Variants in CCR4 observed in about 807,000 individuals in gnomAD.
The protein encoded by CCR4 is C-C motif chemokine receptor 4.
A neutral mutation model predicts 17.1 loss-of-function variants in CCR4; 9 were observed. That is an observed-to-expected ratio of 0.53 (90% CI 0.32 to 0.92). The LOEUF (loss-of-function observed/expected upper bound fraction) is 0.92, where lower values mean the gene tolerates loss of function less well. Ranked by LOEUF, CCR4 falls within the 40% of genes least tolerant of loss-of-function variation. The probability of loss-of-function intolerance (pLI) is 0.04; values close to 1 mark genes in which losing one functional copy is unlikely to be tolerated. For missense variants in CCR4, 385 were observed against 433.9 expected, an observed-to-expected ratio of 0.89 and a Z score of 1.00; for synonymous variants, 217 against 174.3, an observed-to-expected ratio of 1.24 and a Z score of -1.93.
chr3:32,952,887 C>G (rs1163307661), intron 1 of CCR4, among the ~76,000 whole-genome samples: 1 of 152,088 alleles, frequency 6.6e-6, no homozygotes, highest in Non-Finnish European at 1.5e-5. Flanking sequence ...TTTCTAGATC[C>G]ATCAGGTGAA....
Position 32,954,421 on chromosome 3 carries a change from G to T in CCR4, c.999G>T (p.Gly333=). 1 of 1,601,696 alleles carries T rather than the reference G, an allele frequency of 6.2e-7. No individual in the cohort carries two copies. The highest frequency in any genetic ancestry group is 8.5e-7 in the Non-Finnish European group (1 of 1,175,602). ...RGLFVLCQYC[G]LLQIYSADTP... ...TTTTTGTGCTCTGCCAATACTGTGG[G>T]CTCCTCCAAATTTACTCTGCTGACA... Residue 333 remains glycine (G), a synonymous_variant, in exon 2 of 2, where the codon GGG becomes GGT. Coordinates refer to ENST00000330953, the MANE Select transcript of CCR4 (RefSeq NM_005508.5).
chr3:32,953,831 C>T lies in CCR4; in HGVS notation c.409C>T (p.Leu137=). The change falls in exon 2 of 2, where the codon CTG becomes TTG. Residue 137 remains leucine, a synonymous_variant. Coordinates refer to ENST00000330953, the MANE Select transcript of CCR4 (RefSeq NM_005508.5). ...CATGCTCATGAGCATTGATAGATAC[C>T]TGGCAATTGTGCACGCGGTGTTTTC... ...FVMLMSIDRY[L]AIVHAVFSLR... The T allele has an allele frequency of 6.2e-7, 1 of 1,614,054 alleles. No individual in the cohort carries two copies. The highest frequency in any genetic ancestry group is 8.5e-7 in the Non-Finnish European group (1 of 1,180,008).
chr3:32,953,923 C>T lies in CCR4; in HGVS notation c.501C>T (p.Phe167=), dbSNP rs769823569. The part of the protein sequence containing the change: ...TSLATWSVAV[F]ASLPGFLFST... ...TGGCTACATGGTCAGTGGCTGTGTT[C>T]GCCTCCCTTCCTGGCTTTCTGTTCA... The change falls in exon 2 of 2, where the codon TTC becomes TTT. Residue 167 remains phenylalanine, a synonymous_variant. Coordinates refer to ENST00000330953, the MANE Select transcript of CCR4 (RefSeq NM_005508.5). The T allele has an allele frequency of 1.7e-5, 27 of 1,613,916 alleles. No individual in the cohort carries two copies. The highest frequency in any genetic ancestry group is 1.3e-4 in the South Asian group (12 of 91,064).
chr3:32,952,485 C>T (rs959241076), intron 1 of CCR4, among the ~76,000 whole-genome samples: 1 of 152,184 alleles, frequency 6.6e-6, no homozygotes, highest in African/African-American at 2.4e-5. Flanking sequence ...CATGGAGCTC[C>T]TTGGCTCAAG....
Position 32,953,620 on chromosome 3 carries a change from A to T in CCR4, c.198A>T (p.Lys66Asn). ...GNSVVVLVLF[K>N]YKRLRSMTDV... Reference sequence around the variant, plus strand: ...CTGTGGTGGTTCTGGTCCTGTTCAAATACAAGCGGCTCAGGTCCATGACTG... The same window carrying T: ...CTGTGGTGGTTCTGGTCCTGTTCAATTACAAGCGGCTCAGGTCCATGACTG... Residue 66 changes from lysine (K) to asparagine (N), a missense_variant, in exon 2 of 2, where the codon AAA becomes AAT. Transcript: ENST00000330953. 1 of 1,613,808 alleles carries T rather than the reference A, an allele frequency of 6.2e-7. No individual in the cohort carries two copies. Among genetic ancestry groups the T allele is most frequent in the Admixed American group, 1.7e-5 (1 of 59,954 alleles).
In CCR4 at chr3:32,953,994, ACT is replaced by A. The variant is rs1442734243; in HGVS notation, c.578_579del (p.Leu193GlnfsTer40). Reference sequence around the variant, plus strand: ...AACCATACCTACTGCAAAACCAAGTACTCTCTCAACTCCACGACGTGGAAGGT... The same window carrying A: ...AACCATACCTACTGCAAAACCAAGTACTCTCAACTCCACGACGTGGAAGGT... On this transcript the variant is annotated frameshift_variant, in exon 2 of 2. Transcript: ENST00000330953. LOFTEE classifies it high-confidence loss of function. 1.2e-6 allele frequency: 2 copies of A among 1,613,684 alleles called. No homozygotes were observed. The highest frequency in any genetic ancestry group is 1.3e-5 in the African/African-American group (1 of 74,792).
chr3:32,953,435 G>T lies in CCR4; in HGVS notation c.13G>T (p.Asp5Tyr), dbSNP rs1697700829. The change falls in exon 2 of 2, where the codon GAT becomes TAT. Residue 5 changes from aspartate to tyrosine, a missense_variant. Transcript: ENST00000330953. ...GTAGAGTTAAAAAATGAACCCCACG[G>T]ATATAGCAGACACCACCCTCGATGA... is the stretch of plus-strand genomic sequence containing the variant. Reference protein sequence around the residue: MNPTDIADTTLDESI... With the variant: MNPTYIADTTLDESI... 1 of 1,608,274 alleles carries T rather than the reference G, an allele frequency of 6.2e-7. No homozygotes were observed. Among genetic ancestry groups the T allele is most frequent in the African/African-American group, 1.3e-5 (1 of 74,808 alleles).
At chr3:32,952,286 C>G (rs1248664810) in intron 1 of CCR4, among the ~76,000 whole-genome samples, 2 of 150,772 alleles carry the variant, frequency 1.3e-5, no homozygotes, top group Non-Finnish European at 1.5e-5. Flanking sequence ...GACAGGATTT[C>G]ACTCTGCTGC....
intron 1 of CCR4, among the ~76,000 whole-genome samples, chr3:32,952,954 T>A (rs1697693392): frequency 6.6e-6 from 1 of 152,208 alleles, no homozygotes; most frequent in African/African-American, 2.4e-5. Context: ...AGTTTGATGA[T>A]GATCATGATC....
Position 32,954,331 on chromosome 3 carries a change from CT to C in CCR4, c.910del (p.Tyr304ThrfsTer63). ...TTCACTGCTGCCTTAATCCCATCATCTACTTTTTTCTGGGGGAGAAATTTCG... is the reference window on the plus strand; with the variant it reads ...TTCACTGCTGCCTTAATCCCATCATCACTTTTTTCTGGGGGAGAAATTTCG... ...FVHCCLNPII[Y>X]FFLGEKFRKY... On this transcript the variant is annotated frameshift_variant, in exon 2 of 2. Transcript: ENST00000330953. LOFTEE classifies it high-confidence loss of function. 6.2e-7 allele frequency: 1 copy of C among 1,614,088 alleles called. No homozygotes were observed. Among genetic ancestry groups the C allele is most frequent in the East Asian group, 2.2e-5 (1 of 44,876 alleles).
chr3:32,955,604 G>GTTTTTTTTTTTTTTTTTTTTTTTTTT lies in CCR4; in HGVS notation c.*1122_*1123insTTTTTTTTTTTTTTTTTTTTTTTTTT, dbSNP rs1191713351. 1 of 85,498 alleles carries GTTTTTTTTTTTTTTTTTTTTTTTTTT rather than the reference G, an allele frequency of 1.2e-5. No individual in the cohort carries two copies. 5.3% of individuals were successfully genotyped at this position (85,498 alleles called of 1,614,324 possible). On this transcript the variant is annotated 3_prime_UTR_variant, in exon 2 of 2. Transcript: ENST00000330953. ...TACATTTATTTGAGGTCATTTACTT[G>GTTTTTTTTTTTTTTTTTTTTTTTTTT]TTTTTTTTTTTTTTTTTTTTTTTGA...
intron 1 of CCR4, among the ~76,000 whole-genome samples, chr3:32,951,945 A>T (rs1208461087): frequency 6.6e-6 from 1 of 152,184 alleles, no homozygotes; most frequent in African/African-American, 2.4e-5. Flanking sequence ...TAAAAAATAT[A>T]CACTTGTCTG....
intron 1 of CCR4, among the ~76,000 whole-genome samples, chr3:32,952,792 A>T (rs1473819554): frequency 6.6e-6 from 1 of 152,158 alleles, no homozygotes; most frequent in Admixed American, 6.5e-5. Flanking sequence ...TTTTAAGAAG[A>T]TTTCAACCTC....
In CCR4 at chr3:32,954,103, G is replaced by A; in HGVS notation, c.681G>A (p.Arg227=). The A allele has an allele frequency of 6.2e-7, 1 of 1,614,108 alleles. No homozygotes were observed. The highest frequency in any genetic ancestry group is 2.2e-5 in the East Asian group (1 of 44,876). The change falls in exon 2 of 2, where the codon AGG becomes AGA. Residue 227 remains arginine, a synonymous_variant. Coordinates refer to ENST00000330953, the MANE Select transcript of CCR4 (RefSeq NM_005508.5). Reference sequence around the variant, plus strand: ...TGTTTTGCTACTCCATGATCATCAGGACCTTGCAGCATTGTAAAAATGAGA... The same window carrying A: ...TGTTTTGCTACTCCATGATCATCAGAACCTTGCAGCATTGTAAAAATGAGA... ...IMLFCYSMII[R]TLQHCKNEKK...
chr3:32,953,995 C>T lies in CCR4; in HGVS notation c.573C>T (p.Tyr191=). Residue 191 remains tyrosine (Y), a synonymous_variant, in exon 2 of 2, where the codon TAC becomes TAT. Coordinates refer to ENST00000330953, the MANE Select transcript of CCR4 (RefSeq NM_005508.5). ...ACCATACCTACTGCAAAACCAAGTA[C>T]TCTCTCAACTCCACGACGTGGAAGG... ...ERNHTYCKTK[Y]SLNSTTWKVL... 6.2e-7 allele frequency: 1 copy of T among 1,614,122 alleles called. No individual in the cohort carries two copies. The highest frequency in any genetic ancestry group is 8.5e-7 in the Non-Finnish European group (1 of 1,180,014).
At chr3:32,952,335 G>A (rs534383513) in intron 1 of CCR4, among the ~76,000 whole-genome samples, 1 of 151,172 alleles carries the variant, frequency 6.6e-6, no homozygotes, top group Non-Finnish European at 1.5e-5. Flanking sequence ...AGCTCACTGC[G>A]CCTTGAACTC....
chr3:32,952,543 G>A (rs1199985780), intron 1 of CCR4, among the ~76,000 whole-genome samples: 1 of 152,242 alleles, frequency 6.6e-6, no homozygotes, highest in Non-Finnish European at 1.5e-5. Flanking sequence ...ATAGGCGTGG[G>A]CCACTGCACA....
intron 1 of CCR4, among the ~76,000 whole-genome samples, chr3:32,952,955 G>A (rs1697693417): frequency 6.6e-6 from 1 of 152,124 alleles, no homozygotes; most frequent in African/African-American, 2.4e-5. Context: ...GTTTGATGAT[G>A]ATCATGATCA....
chr3:32,953,241 T>C lies in CCR4; in HGVS notation c.-51-131T>C, dbSNP rs1253449022. On this transcript the variant is annotated intron_variant, in intron 1 of 1. Transcript: ENST00000330953. ...TCTGGCTGCAGGGCCCTGTGAGTAA[T>C]CGAGCCCTTCATCTTGGGAAAGGCA... 6.6e-6 allele frequency: 4 copies of C among 609,380 alleles called. No homozygotes were observed. The East Asian group carries it at 1.2e-4, about 18-fold the overall frequency. 37.7% of individuals were successfully genotyped at this position (609,380 alleles called of 1,614,324 possible).
Sources: allele counts gnomAD v4.1 joint callset (sites outside exome capture counted in the v4.1 genomes callset), GRCh38; gene constraint gnomAD v4.1.1; transcripts MANE v1.5; gene names NCBI Gene and HGNC (gene_info 2026-07-23, HGNC 2026-07-21).